Variants in OTUD7B observed in about 807,000 individuals in gnomAD.
The protein encoded by OTUD7B is OTU deubiquitinase 7B, also known as OTU domain-containing protein 7B.
In OTUD7B, 34 loss-of-function variants were observed where a neutral mutation model predicts 82.2. The observed-to-expected ratio is 0.41, with a 90% CI of 0.31 to 0.55. OTUD7B has a LOEUF of 0.55. Ranked by LOEUF, OTUD7B falls within the 20% of genes least tolerant of loss-of-function variation. The pLI is 0.20. For missense variants in OTUD7B, 944 were observed against 1,062.1 expected (o/e 0.89, Z 1.55); for synonymous variants, 398 against 402.7 (o/e 0.99, Z 0.14).
chr1:149,996,653 T>G (rs1651943936), intron 1 of OTUD7B, among the ~76,000 whole-genome samples: 4 of 152,354 alleles, frequency 2.6e-5, no homozygotes, highest in African/African-American at 9.6e-5. Context: ...TAATACATAC[T>G]TTGAATGAAT....
the OTUD7B span, among the ~76,000 whole-genome samples, chr1:150,046,060 G>C: frequency 6.6e-6 from 1 of 152,118 alleles, no homozygotes; most frequent in Non-Finnish European, 1.5e-5. Context: ...TATCCAAATA[G>C]TTTTGTATGG....
chr1:150,040,328 T>C, the OTUD7B span, among the ~76,000 whole-genome samples: 1 of 152,202 alleles, frequency 6.6e-6, no homozygotes, highest in Non-Finnish European at 1.5e-5. Flanking sequence ...CAACAAATAT[T>C]CATGTACTTA....
the OTUD7B span, among the ~76,000 whole-genome samples, chr1:150,048,873 C>T: frequency 1.8e-4 from 27 of 152,150 alleles, no homozygotes; most frequent in African/African-American, 6.0e-4. Flanking sequence ...CACCCTGTCA[C>T]CCAGGCTGGA....
At chr1:149,982,379 G>C (rs1256075668) in intron 1 of OTUD7B, among the ~76,000 whole-genome samples, 1 of 151,944 alleles carries the variant, frequency 6.6e-6, no homozygotes, top group Non-Finnish European at 1.5e-5. Flanking sequence ...CCTGATTCTT[G>C]CCCATTTAAT....
upstream of OTUD7B, among the ~76,000 whole-genome samples, chr1:150,015,498 C>T (rs1653241451): frequency 6.6e-6 from 1 of 151,714 alleles, no homozygotes; most frequent in Non-Finnish European, 1.5e-5. Flanking sequence ...CCAGGATGGT[C>T]TTGAACTCCT....
intron 1 of OTUD7B, among the ~76,000 whole-genome samples, chr1:149,985,338 G>A (rs1034586404): frequency 4.3e-4 from 65 of 152,158 alleles, no homozygotes; most frequent in African/African-American, 1.3e-3. Context: ...AACCTGGGAG[G>A]TGGAGGTTGA....
rs901002902 is a variant in OTUD7B at position 149,977,575 on chromosome 1, A to C, written c.-65T>G. 7 of 1,116,562 alleles carry C rather than the reference A, an allele frequency of 6.3e-6. No individual in the cohort carries two copies. The highest frequency in any genetic ancestry group is 1.5e-5 in the African/African-American group (1 of 65,386). 69.2% of individuals were successfully genotyped at this position (1,116,562 alleles called of 1,614,324 possible). On this transcript the variant is annotated splice_region_variant and 5_prime_UTR_variant, in exon 2 of 12. Coordinates refer to ENST00000581312, the MANE Select transcript of OTUD7B (RefSeq NM_020205.4). Reference sequence around the variant, plus strand: ...AACATAGATCAAAATTCAGGCCTCCACCTGAGGAATAAATAAATACATAAG... The same window carrying C: ...AACATAGATCAAAATTCAGGCCTCCCCCTGAGGAATAAATAAATACATAAG...
At position 149,965,792 on chromosome 1, in the gene OTUD7B, G is replaced by T; in HGVS notation, c.589C>A (p.His197Asn). The T allele has an allele frequency of 6.2e-7, 1 of 1,612,950 alleles. No homozygotes were observed. Among genetic ancestry groups the T allele is most frequent in the Non-Finnish European group, 8.5e-7 (1 of 1,179,000 alleles). ...CAAGACTCACCAAGGGAGGCTGCAT[G>T]CAGGAGGCAGTTCCCATCTCCAGTA... ...ATTGDGNCLLHAASLGMWGFH... is the reference protein window; with the variant it reads ...ATTGDGNCLLNAASLGMWGFH... The change falls in exon 5 of 12, where the codon CAT (histidine) becomes AAT (asparagine). Residue 197 changes from histidine (H) to asparagine (N), a missense_variant. His to Asn is a moderately conservative substitution (Grantham distance 68, BLOSUM62 1). Transcript: ENST00000581312.
Position 149,941,021 on chromosome 1 carries a change from AT to A in OTUD7B, c.*2835del, listed in dbSNP as rs1373554313. ...ATAGTTACCCTCCCAAATAAAAAAA[AT>A]AATTTATTTCTTAATAAAAAGCTAT... On this transcript the variant is annotated 3_prime_UTR_variant, in exon 12 of 12. Coordinates refer to ENST00000581312, the MANE Select transcript of OTUD7B (RefSeq NM_020205.4). 2 of 152,170 alleles carry A rather than the reference AT, an allele frequency of 1.3e-5. No individual in the cohort carries two copies. Among genetic ancestry groups the A allele is most frequent in the African/African-American group, 4.8e-5 (2 of 41,442 alleles). 9.4% of individuals were successfully genotyped at this position (152,170 alleles called of 1,614,324 possible). A position where few individuals can be genotyped will look rare whatever the true frequency, so the allele number is the denominator to read the frequency against.
chr1:149,962,925 T>C (rs1553775843), intron 6 of OTUD7B: 2 of 152,172 alleles, frequency 1.3e-5, no homozygotes, highest in Non-Finnish European at 2.9e-5. Context: ...CTTTTGGTGC[T>C]AAAAAAGAAT....
chr1:150,064,381 C>G, the OTUD7B span, among the ~76,000 whole-genome samples: 1 of 151,360 alleles, frequency 6.6e-6, no homozygotes, highest in African/African-American at 2.4e-5. Context: ...TCTCTTTTTT[C>G]TTTTCTTTTC....
chr1:150,009,512 T>G (rs1652885297), intron 1 of OTUD7B, among the ~76,000 whole-genome samples: 3 of 152,092 alleles, frequency 2.0e-5, no homozygotes, highest in African/African-American at 7.2e-5. Flanking sequence ...ATAAGGAAAA[T>G]AAAAGTCAAC....
intron 3 of OTUD7B, among the ~76,000 whole-genome samples, chr1:149,969,406 C>T (rs1649749712): frequency 6.6e-6 from 1 of 152,192 alleles, no homozygotes; most frequent in African/African-American, 2.4e-5. Flanking sequence ...GTCTTCTTAT[C>T]ATTCAAAATT....
At chr1:149,957,757 C>T (rs1195403101) in intron 7 of OTUD7B, among the ~76,000 whole-genome samples, 1 of 152,222 alleles carries the variant, frequency 6.6e-6, no homozygotes, top group Non-Finnish European at 1.5e-5. Flanking sequence ...CTCCCAGCCT[C>T]ACTGCCTCCT....
the OTUD7B span, among the ~76,000 whole-genome samples, chr1:150,050,832 G>A: frequency 1.7e-4 from 25 of 150,418 alleles, no homozygotes; most frequent in South Asian, 5.0e-3. Context: ...TTAAAACTAT[G>A]TAAAAACATG....
rs782614848 is a variant in OTUD7B, at chr1:149,944,085, G to A, written c.2304C>T (p.Pro768=). ...TGCTATAGGAATCAGCCACTCGGTA[G>A]GGGGGTGGTAACAAGGCACCCCTGT... The part of the protein sequence containing the change: ...GLHRGALLPP[P]YRVADSYSNG... Residue 768 remains proline (P), a synonymous_variant, in exon 12 of 12, where the codon CCC becomes CCT. Coordinates refer to ENST00000581312, the MANE Select transcript of OTUD7B (RefSeq NM_020205.4). The A allele has an allele frequency of 1.9e-6, 3 of 1,613,912 alleles. No homozygotes were observed. Among genetic ancestry groups the A allele is most frequent in the Admixed American group, 1.7e-5 (1 of 59,994 alleles).
chr1:150,007,618 C>T (rs1318620669), intron 1 of OTUD7B, among the ~76,000 whole-genome samples: 5 of 152,166 alleles, frequency 3.3e-5, no homozygotes, highest in Non-Finnish European at 5.9e-5. Context: ...TAAAGCCTGT[C>T]ACTGGAGCAT....
At chr1:150,028,774 G>A in the OTUD7B span, among the ~76,000 whole-genome samples, 4 of 152,270 alleles carry the variant, frequency 2.6e-5, no homozygotes, top group African/African-American at 7.2e-5. Flanking sequence ...AGGTTCAAGC[G>A]ATTCTCCTGC....
At chr1:150,039,872 A>G in the OTUD7B span, among the ~76,000 whole-genome samples, 2 of 152,030 alleles carry the variant, frequency 1.3e-5, no homozygotes, top group Non-Finnish European at 2.9e-5. Flanking sequence ...ATTTTATTGC[A>G]CTCTCATTAA....
Sources: allele counts gnomAD v4.1 joint callset (sites outside exome capture counted in the v4.1 genomes callset), GRCh38; gene constraint gnomAD v4.1.1; transcripts MANE v1.5; gene names NCBI Gene and HGNC (gene_info 2026-07-23, HGNC 2026-07-21).